RBFOX1: variants seen among roughly 807,000 people sequenced by gnomAD.
RBFOX1 encodes RNA binding protein fox-1 homolog 1.
In RBFOX1, 8 loss-of-function variants were observed where a neutral mutation model predicts 57.7. The observed-to-expected ratio is 0.14, with a 90% CI of 0.08 to 0.25. RBFOX1 has a LOEUF of 0.25. Among genes scored for constraint, RBFOX1 ranks in the 10% least tolerant of loss-of-function variants. The pLI, the probability that RBFOX1 is intolerant of heterozygous loss-of-function variation, is 1.00. For synonymous variants in RBFOX1, 326 were observed against 222.4 expected, an observed-to-expected ratio of 1.47 and a Z score of -4.15; for missense variants, 611 against 548.5, an observed-to-expected ratio of 1.11 and a Z score of -1.14.
chr16:6,194,301 G>A (rs1271307432), intron 1 of RBFOX1, among the ~76,000 whole-genome samples: 1 of 152,060 alleles, frequency 6.6e-6, no homozygotes, highest in Non-Finnish European at 1.5e-5. Context: ...CTCTCACCCA[G>A]GCTGCTGCAA....
At position 6,444,534 on chromosome 16, in the gene RBFOX1, T is replaced by C. The variant is rs371696107; in HGVS notation, c.-64+127477T>C. Among the ~76,000 whole-genome samples, 3 of 152,202 alleles carry C rather than the reference T, an allele frequency of 2.0e-5. No individual in the cohort carries two copies. In the East Asian group the frequency reaches 5.8e-4, roughly 29 times the overall value. On this transcript the variant is annotated intron_variant, in intron 2 of 15. Coordinates refer to ENST00000550418, the MANE Select transcript of RBFOX1 (RefSeq NM_018723.4). ...TTTCCCTGCACAAGCTCTCTCTCTTTGCCTGCTGCCATCCATGTAAGACGT... is the reference window on the plus strand; with the variant it reads ...TTTCCCTGCACAAGCTCTCTCTCTTCGCCTGCTGCCATCCATGTAAGACGT...
At chr16:6,910,540 A>G (rs1402308873) in intron 3 of RBFOX1, among the ~76,000 whole-genome samples, 2 of 152,220 alleles carry the variant, frequency 1.3e-5, no homozygotes, top group Admixed American at 6.5e-5. Flanking sequence ...TCTGGAGGTC[A>G]GAAGTCCAAA....
In RBFOX1 at chr16:7,711,508, TAATA is replaced by T. The variant is rs2083995956; in HGVS notation, c.*767_*770del. 3 of 152,704 alleles carry T rather than the reference TAATA, an allele frequency of 2.0e-5. No individual in the cohort carries two copies. The South Asian group carries it at 6.2e-4, about 32-fold the overall frequency. The allele number at this position is 152,704 out of a possible 1,614,324, so 9.5% of individuals were successfully genotyped here. On this transcript the variant is annotated 3_prime_UTR_variant, in exon 16 of 16. Transcript: ENST00000550418. ...CATTCTTTTTATATTTCTTCCAGTA[TAATA>T]AATTATTGATATCACTGCTGACTTT...
At chr16:6,852,544 A>T (rs2094127208) in intron 3 of RBFOX1, among the ~76,000 whole-genome samples, 1 of 152,258 alleles carries the variant, frequency 6.6e-6, no homozygotes, top group African/African-American at 2.4e-5. Flanking sequence ...AACTTTGGCG[A>T]GATACATGGT....
chr16:7,418,889 T>C (rs1279053487), intron 4 of RBFOX1, among the ~76,000 whole-genome samples: 1 of 151,856 alleles, frequency 6.6e-6, no homozygotes, highest in Non-Finnish European at 1.5e-5. Flanking sequence ...AGGTTTTTTT[T>C]TGTTGTTGTT....
intron 3 of RBFOX1, among the ~76,000 whole-genome samples, chr16:5,820,175 G>C (rs564594068): frequency 6.6e-6 from 1 of 152,312 alleles, no homozygotes; most frequent in South Asian, 2.1e-4. Flanking sequence ...AGGAAGCAGA[G>C]CTCATGGGGA....
intron 2 of RBFOX1, among the ~76,000 whole-genome samples, chr16:6,552,957 A>AT (rs1567656298): frequency 6.6e-6 from 1 of 152,136 alleles, no homozygotes; most frequent in Non-Finnish European, 1.5e-5. Flanking sequence ...CTAATTAAAA[A>AT]TTTTTTAAAA....
chr16:6,895,448 G>GTATATA (rs71147622), intron 3 of RBFOX1, among the ~76,000 whole-genome samples: 71 of 54,576 alleles, frequency 1.3e-3, no homozygotes, highest in African/African-American at 3.0e-3. Context: ...GTGTGTGTGT[G>GTATATA]TATATATATA....
upstream of RBFOX1, among the ~76,000 whole-genome samples, chr16:6,014,343 AG>A (rs2094980586): frequency 6.6e-6 from 1 of 152,302 alleles, no homozygotes; most frequent in African/African-American, 2.4e-5. Flanking sequence ...GAGCCCAAGT[AG>A]AAGAGGAAAA....
rs543761538 is a variant in RBFOX1, at chr16:5,869,182, T to C, written c.351+1847T>C. On this transcript the variant is annotated intron_variant, in intron 4 of 19. Transcript: ENST00000641259. ...GTAAACAGTGGGTGTTCAGTAAATA[T>C]TAGTTCTGCCAGTCATGAAGGACTG... Among the ~76,000 whole-genome samples the C allele has an allele frequency of 2.0e-5, 3 of 152,078 alleles. No individual in the cohort carries two copies. In the South Asian group the frequency reaches 6.3e-4, roughly 32 times the overall value.
At chr16:7,450,833 G>A (rs913344777) in intron 4 of RBFOX1, among the ~76,000 whole-genome samples, 1 of 152,114 alleles carries the variant, frequency 6.6e-6, no homozygotes, top group Non-Finnish European at 1.5e-5. Context: ...GGTCTGGTGG[G>A]GTGGATGGCA....
intron 8 of RBFOX1, 76 bp from the exon 9 acceptor site, chr16:7,597,295 G>A: frequency 1.8e-6 from 2 of 1,085,312 alleles, no homozygotes; most frequent in Middle Eastern, 2.1e-4. Flanking sequence ...AGTAATCACG[G>A]TCATAATGCA....
intron 1 of RBFOX1, among the ~76,000 whole-genome samples, chr16:6,035,746 C>A (rs1207873965): frequency 6.6e-6 from 1 of 152,134 alleles, no homozygotes; most frequent in Admixed American, 6.5e-5. Flanking sequence ...AGACTGTCAA[C>A]CAATTGGAAT....
At chr16:5,329,158 C>G (rs938117371) in intron 1 of RBFOX1, among the ~76,000 whole-genome samples, 1 of 152,132 alleles carries the variant, frequency 6.6e-6, no homozygotes, top group Non-Finnish European at 1.5e-5. Flanking sequence ...GGTTATGTAA[C>G]TAAAGTTGAA....
intron 2 of RBFOX1, among the ~76,000 whole-genome samples, chr16:6,339,638 G>T (rs772691538): frequency 1.3e-5 from 2 of 148,946 alleles, no homozygotes; most frequent in Non-Finnish European, 3.0e-5. Flanking sequence ...CATCTTAAGC[G>T]ATTCCTTTAT....
In RBFOX1 at chr16:7,123,042, G is replaced by A. The variant is rs188414336; in HGVS notation, c.27+70944G>A. 3.3e-5 allele frequency among the ~76,000 whole-genome samples: 5 copies of A among 152,228 alleles called. No homozygotes were observed. The East Asian group carries it at 9.7e-4, about 30-fold the overall frequency. ...AAAGATCAGGGGCTGCCAGGGATTAGGGGTTGGGGGGAGGGTAGTTGCAAA... is the reference window on the plus strand; with the variant it reads ...AAAGATCAGGGGCTGCCAGGGATTAAGGGTTGGGGGGAGGGTAGTTGCAAA... On this transcript the variant is annotated intron_variant, in intron 4 of 15. Transcript: ENST00000550418.
chr16:7,237,984 A>G (rs147878258), intron 4 of RBFOX1, among the ~76,000 whole-genome samples: 135 of 152,362 alleles, frequency 8.9e-4, no homozygotes, highest in African/African-American at 3.2e-3. Context: ...AGCCTAGGCA[A>G]GAAAGCAAGA....
At chr16:7,557,198 C>T (rs376940826) in intron 5 of RBFOX1, among the ~76,000 whole-genome samples, 1 of 152,128 alleles carries the variant, frequency 6.6e-6, no homozygotes, top group African/African-American at 2.4e-5. Flanking sequence ...GGCCGGGTCT[C>T]GAACCCAGGT....
At chr16:6,318,364 A>T (rs572277097) in intron 2 of RBFOX1, among the ~76,000 whole-genome samples, 1 of 152,284 alleles carries the variant, frequency 6.6e-6, no homozygotes, top group East Asian at 1.9e-4. Context: ...GTAAGTAAAA[A>T]GGTGGGGGCT....
Sources: gnomAD v4.1 joint callset for allele counts (sites outside exome capture counted in the v4.1 genomes callset) on GRCh38, gnomAD v4.1.1 for gene constraint, MANE v1.5 for transcripts, NCBI Gene and HGNC (gene_info 2026-07-23, HGNC 2026-07-21) for gene names.